The following SLC22A25 variants were observed in gnomAD, a reference collection of about 807,000 sequenced individuals.
SLC22A25 encodes the protein solute carrier family 22 member 25, also known as MGI:2442751, MGI:2385316, MGI:3042283, MGI:3645714, MGI:3605624, MGI:2442750.
Under a neutral mutation model 45.9 loss-of-function variants are expected in SLC22A25, and 44 were observed. The ratio of observed to expected loss-of-function variants is 0.96; its 90% CI spans 0.75 to 1.23. SLC22A25 has a LOEUF of 1.23. SLC22A25 is among the 50% of genes most tolerant of loss of function. SLC22A25 has a pLI of 0.00. For synonymous variants in SLC22A25, 283 were observed against 238.6 expected (o/e 1.19, Z -1.72); for missense variants, 800 against 666.4 (o/e 1.20, Z -2.21).
At position 63,228,444 on chromosome 11, in the gene SLC22A25, G is replaced by C. The variant is rs1282687829; in HGVS notation, c.506+17C>G. 6.5e-7 allele frequency: 1 copy of C among 1,543,768 alleles called. No individual in the cohort carries two copies. The highest frequency in any genetic ancestry group is 8.9e-7 in the Non-Finnish European group (1 of 1,120,616). On this transcript the variant is annotated intron_variant, in intron 5 of 11. Coordinates refer to ENST00000306494, the MANE Select transcript of SLC22A25 (RefSeq NM_199352.6). ...TGAAAATACCCTTGAAGAGAGCTAT[G>C]CTCCATAGACACTCACCTGTCTGAC...
intron 5 of SLC22A25, among the ~76,000 whole-genome samples, chr11:63,225,501 A>G (rs539085980): frequency 6.6e-6 from 1 of 152,278 alleles, no homozygotes; most frequent in South Asian, 2.1e-4. Flanking sequence ...CTGCTGCCAG[A>G]CATATTGGGT....
At chr11:63,188,934 T>A (rs2134749521) in intron 7 of SLC22A25, among the ~76,000 whole-genome samples, 1 of 152,284 alleles carries the variant, frequency 6.6e-6, no homozygotes, top group East Asian at 1.9e-4. Flanking sequence ...TTTCTGTTCT[T>A]TTACATTTGC....
Position 63,163,211 on chromosome 11 carries a change from C to A in SLC22A25, c.*613G>T, listed in dbSNP as rs2087565821. On this transcript the variant is annotated 3_prime_UTR_variant, in exon 12 of 12. Coordinates refer to ENST00000306494, the MANE Select transcript of SLC22A25 (RefSeq NM_199352.6). The stretch of plus-strand genomic sequence containing the variant: ...TCACACTTGGACACCATGGCATTGA[C>A]CAAAGGGATTTTGGAAAAGGCAAGA... Among the ~76,000 whole-genome samples the A allele has an allele frequency of 1.3e-5, 2 of 152,154 alleles. No individual in the cohort carries two copies. The highest frequency in any genetic ancestry group is 4.8e-5 in the African/African-American group (2 of 41,440).
At position 63,240,017 on chromosome 11, in the gene SLC22A25, T is replaced by TA. The variant is rs1455654627; in HGVS notation, c.-995-883dup. Among the ~76,000 whole-genome samples, 7 of 152,286 alleles carry TA rather than the reference T, an allele frequency of 4.6e-5. No individual in the cohort carries two copies. In the East Asian group the frequency reaches 1.4e-3, roughly 29 times the overall value. On this transcript the variant is annotated intron_variant, in intron 1 of 11. Transcript: ENST00000306494. ...TTGTGTGAACATCATGGAGTGTACT[T>TA]ACGCAAACCTATATGGTGTAGTCTA...
chr11:63,191,501 G>T (rs1446592866), intron 7 of SLC22A25, among the ~76,000 whole-genome samples: 1 of 152,138 alleles, frequency 6.6e-6, no homozygotes, highest in Non-Finnish European at 1.5e-5. Flanking sequence ...TCCTGGGTGA[G>T]GCAATGCCTC....
At chr11:63,207,665 C>A (rs1031012812) in intron 7 of SLC22A25, among the ~76,000 whole-genome samples, 2 of 152,184 alleles carry the variant, frequency 1.3e-5, no homozygotes, top group Non-Finnish European at 2.9e-5. Flanking sequence ...AAAGAAAGAG[C>A]TGGAGTCCTT....
At chr11:63,212,539 C>T (rs2089598872) in intron 7 of SLC22A25, among the ~76,000 whole-genome samples, 1 of 151,848 alleles carries the variant, frequency 6.6e-6, no homozygotes, top group South Asian at 2.1e-4. Context: ...AAACTGGAAA[C>T]CATCATTCTC....
At chr11:63,195,894 G>A (rs1418852554) in intron 7 of SLC22A25, among the ~76,000 whole-genome samples, 2 of 152,086 alleles carry the variant, frequency 1.3e-5, no homozygotes, top group African/African-American at 4.8e-5. Context: ...GAATCAAATA[G>A]ACGCAATAAA....
At chr11:63,175,710 T>G (rs2088060295) in intron 9 of SLC22A25, among the ~76,000 whole-genome samples, 1 of 152,074 alleles carries the variant, frequency 6.6e-6, no homozygotes, top group Admixed American at 6.6e-5. Context: ...TATGTTTTCT[T>G]CTAGGATTTT....
In SLC22A25 at chr11:63,229,913, A is replaced by G. The variant is rs563129242; in HGVS notation, c.-261T>C. On this transcript the variant is annotated 5_prime_UTR_variant, in exon 4 of 12. Coordinates refer to ENST00000306494, the MANE Select transcript of SLC22A25 (RefSeq NM_199352.6). ...GCTCAGATACTTCCAACCATTTTCAATGAAATGTGTTTAAACATTAGACAT... is the reference window on the plus strand; with the variant it reads ...GCTCAGATACTTCCAACCATTTTCAGTGAAATGTGTTTAAACATTAGACAT... Among the ~76,000 whole-genome samples, 2 of 152,310 alleles carry G rather than the reference A, an allele frequency of 1.3e-5. No homozygotes were observed. Among genetic ancestry groups the G allele is most frequent in the South Asian group, 4.1e-4 (2 of 4,834 alleles).
At chr11:63,228,167 G>C (rs1426070785) in intron 5 of SLC22A25, among the ~76,000 whole-genome samples, 5 of 152,214 alleles carry the variant, frequency 3.3e-5, no homozygotes, top group African/African-American at 1.2e-4. Flanking sequence ...AGGACAATCA[G>C]TGGAAGCTTC....
chr11:63,177,508 T>C (rs2088135541), intron 9 of SLC22A25, among the ~76,000 whole-genome samples: 1 of 151,924 alleles, frequency 6.6e-6, no homozygotes. Context: ...TTATTTTTTC[T>C]ATATAACTGT....
intron 7 of SLC22A25, among the ~76,000 whole-genome samples, chr11:63,195,074 C>T (rs1030208870): frequency 1.3e-5 from 2 of 151,952 alleles, no homozygotes; most frequent in African/African-American, 4.8e-5. Context: ...TATATATGCA[C>T]CCAATACAAG....
At chr11:63,192,303 C>A in intron 7 of SLC22A25, among the ~76,000 whole-genome samples, 1 of 152,122 alleles carries the variant, frequency 6.6e-6, no homozygotes, top group Non-Finnish European at 1.5e-5. Context: ...GAGTTCATTA[C>A]CACCAGACCT....
chr11:63,232,007 C>A lies in SLC22A25; in HGVS notation c.-444-1911G>T, dbSNP rs1357413529. On this transcript the variant is annotated intron_variant, in intron 3 of 11. Coordinates refer to ENST00000306494, the MANE Select transcript of SLC22A25 (RefSeq NM_199352.6). ...GTTGGTCTATATCTCTGTTTTGGTA[C>A]CAGTACCATGCTGTTTTGGTTACTG... Among the ~76,000 whole-genome samples the A allele has an allele frequency of 5.3e-5, 8 of 152,248 alleles. No individual in the cohort carries two copies. The East Asian group carries it at 7.7e-4, about 15-fold the overall frequency.
chr11:63,179,711 G>A (rs1316427248), intron 9 of SLC22A25, among the ~76,000 whole-genome samples: 1 of 152,120 alleles, frequency 6.6e-6, no homozygotes, highest in Non-Finnish European at 1.5e-5. Flanking sequence ...CAGCTCCCTG[G>A]AAAATCAGTA....
At chr11:63,232,694 G>T (rs1048804156) in intron 3 of SLC22A25, among the ~76,000 whole-genome samples, 1 of 152,130 alleles carries the variant, frequency 6.6e-6, no homozygotes, top group Admixed American at 6.5e-5. Flanking sequence ...GTGAGAGAGG[G>T]CACCCCTGTA....
chr11:63,212,504 C>A (rs1216343271), intron 7 of SLC22A25, among the ~76,000 whole-genome samples: 1 of 152,076 alleles, frequency 6.6e-6, no homozygotes, highest in African/African-American at 2.4e-5. Flanking sequence ...ATTATGAGTT[C>A]ATGTCCTTTG....
At chr11:63,191,145 G>A (rs2088796631) in intron 7 of SLC22A25, among the ~76,000 whole-genome samples, 1 of 152,228 alleles carries the variant, frequency 6.6e-6, no homozygotes, top group South Asian at 2.1e-4. Flanking sequence ...GCCCTGAGAT[G>A]TGGAGTCTAC....
Sources: allele counts gnomAD v4.1 joint callset (sites outside exome capture counted in the v4.1 genomes callset), GRCh38; gene constraint gnomAD v4.1.1; transcripts MANE v1.5; gene names NCBI Gene and HGNC (gene_info 2026-07-23, HGNC 2026-07-21).